NIPAL2: variants seen among roughly 807,000 people sequenced by gnomAD.
The protein encoded by NIPAL2 is NIPA-like protein 2.
Under a neutral mutation model 48.9 loss-of-function variants are expected in NIPAL2, and 43 were observed. That is an observed-to-expected ratio of 0.88 (90% CI 0.69 to 1.13). NIPAL2 has a LOEUF of 1.13. NIPAL2 is among the 50% of genes most tolerant of loss of function. The probability of loss-of-function intolerance (pLI) is 0.00; values close to 1 mark genes in which losing one functional copy is unlikely to be tolerated. For missense variants in NIPAL2, 446 were observed against 461.4 expected (o/e 0.97, Z 0.31); for synonymous variants, 167 against 174.6 (o/e 0.96, Z 0.34).
intron 1 of NIPAL2, among the ~76,000 whole-genome samples, chr8:98,260,078 G>C (rs1814201684): frequency 6.6e-6 from 1 of 152,144 alleles, no homozygotes; most frequent in African/African-American, 2.4e-5. Flanking sequence ...GAGAAGAAGG[G>C]GGTACAAAAA....
rs537182106 is a variant in NIPAL2 at position 98,233,082 on chromosome 8, G to A, written c.436+3073C>T. On this transcript the variant is annotated intron_variant, in intron 4 of 10. Transcript: ENST00000430223. ...AGACAAGCCTAGACAACATGGTGAA[G>A]CCCTGTCTCTACTAAAAATACAAAA... is the stretch of plus-strand genomic sequence containing the variant. Among the ~76,000 whole-genome samples, 72 of 152,118 alleles carry A rather than the reference G, an allele frequency of 4.7e-4. 1 individual carries two copies. The South Asian group carries it at 0.014, about 29-fold the overall frequency.
At chr8:98,275,731 C>CA (rs1815419245) in intron 1 of NIPAL2, among the ~76,000 whole-genome samples, 1 of 152,136 alleles carries the variant, frequency 6.6e-6, no homozygotes, top group Non-Finnish European at 1.5e-5. Context: ...TATGAGTGAT[C>CA]CAGTTTCTCC....
At chr8:98,217,251 T>C in intron 5 of NIPAL2, 2 of 985,452 alleles carry the variant, frequency 2.0e-6, no homozygotes, top group African/African-American at 1.7e-5. Context: ...GAGGCTTCCA[T>C]TTAATGTAAA....
intron 5 of NIPAL2, among the ~76,000 whole-genome samples, chr8:98,217,998 C>A (rs1215052205): frequency 1.3e-5 from 2 of 152,088 alleles, no homozygotes; most frequent in Admixed American, 1.3e-4. Context: ...GGAAAAATGG[C>A]AAACTGCAAT....
intron 10 of NIPAL2, chr8:98,193,342 C>T: frequency 6.2e-7 from 1 of 1,609,746 alleles, no homozygotes; most frequent in Non-Finnish European, 8.5e-7. Flanking sequence ...CCATGGAAAT[C>T]AGGTGGGTTT....
chr8:98,244,044 C>G (rs986653873), intron 3 of NIPAL2, among the ~76,000 whole-genome samples: 7 of 152,030 alleles, frequency 4.6e-5, no homozygotes, highest in African/African-American at 1.4e-4. Context: ...AAAGACAAAT[C>G]TAACCCAAAG....
chr8:98,195,571 T>A (rs1394197037), intron 9 of NIPAL2: 1 of 163,628 alleles, frequency 6.1e-6, no homozygotes, highest in Non-Finnish European at 1.3e-5. Flanking sequence ...GGCCTTTTAT[T>A]TTGGGCGACC....
chr8:98,280,736 C>CTATATATA (rs71572005), intron 1 of NIPAL2, among the ~76,000 whole-genome samples: 421 of 38,956 alleles, frequency 0.011, 23 homozygotes, highest in Middle Eastern at 0.032. Context: ...TAGTCCATTA[C>CTATATATA]TATATATATA....
chr8:98,216,660 A>AT (rs79053014), intron 5 of NIPAL2, among the ~76,000 whole-genome samples: 10,108 of 152,194 alleles, frequency 0.066, 454 homozygotes, highest in East Asian at 0.12. Context: ...TGCTGATTTA[A>AT]TTTTTTTGTC....
rs13274648 is a variant in NIPAL2 at position 98,266,145 on chromosome 8, G to T, written c.136-12058C>A. Among the ~76,000 whole-genome samples, 69 of 104,588 alleles carry T rather than the reference G, an allele frequency of 6.6e-4. No homozygotes were observed. In the South Asian group the frequency reaches 8.2e-3, roughly 12 times the overall value. The allele number at this position is 104,588 out of a possible 152,430, so 68.6% of individuals were successfully genotyped here. On this transcript the variant is annotated intron_variant, in intron 1 of 10. Coordinates refer to ENST00000430223, the MANE Select transcript of NIPAL2 (RefSeq NM_001321635.2). ...TGGGGACTGTTGTGGGGTGGGGGGA[G>T]GGGGGAGGGATAGCATTGGGAGATA...
chr8:98,294,025 C>A lies in NIPAL2; in HGVS notation c.113G>T (p.Gly38Val). The A allele has an allele frequency of 1.3e-6, 2 of 1,496,366 alleles. No individual in the cohort carries two copies. The highest frequency in any genetic ancestry group is 2.9e-5 in the African/African-American group (2 of 68,638). 92.7% of individuals were successfully genotyped at this position (1,496,366 alleles called of 1,614,324 possible). A position where few individuals can be genotyped will look rare whatever the true frequency, so the allele number is the denominator to read the frequency against. Residue 38 changes from glycine to valine, a missense_variant, in exon 1 of 11, where the codon GGC (glycine) becomes GTC (valine). Transcript: ENST00000430223. ...APGAGNGSLS[G>V]DWYRRNQIHL... ...TACCTGGTTCCTGCGGTACCAGTCGCCCGAGAGGGAGCCGTTGCCGGCGCC... is the reference window on the plus strand; with the variant it reads ...TACCTGGTTCCTGCGGTACCAGTCGACCGAGAGGGAGCCGTTGCCGGCGCC...
At position 98,223,682 on chromosome 8, in the gene NIPAL2, A is replaced by T. The variant is rs145463572; in HGVS notation, c.437-1082T>A. Among the ~76,000 whole-genome samples the T allele has an allele frequency of 3.3e-5, 5 of 152,298 alleles. No individual in the cohort carries two copies. The East Asian group carries it at 9.6e-4, about 29-fold the overall frequency. On this transcript the variant is annotated intron_variant, in intron 4 of 10. Transcript: ENST00000430223. ...AGTTCCTGGAAGCAAATAGCATTTGATTTTTCGCAAAAGCTAGACAACAGC... is the reference window on the plus strand; with the variant it reads ...AGTTCCTGGAAGCAAATAGCATTTGTTTTTTCGCAAAAGCTAGACAACAGC...
At chr8:98,225,890 G>A (rs1178078509) in intron 4 of NIPAL2, among the ~76,000 whole-genome samples, 1 of 151,802 alleles carries the variant, frequency 6.6e-6, no homozygotes, top group African/African-American at 2.4e-5. Context: ...TTGTAAGCGT[G>A]TTCCATTCCT....
chr8:98,220,416 T>C (rs1237878902), intron 5 of NIPAL2, among the ~76,000 whole-genome samples: 1 of 151,884 alleles, frequency 6.6e-6, no homozygotes, highest in Non-Finnish European at 1.5e-5. Context: ...TGATTTTTTT[T>C]TTTTTTTGTC....
At chr8:98,267,301 A>C (rs1814831138) in intron 1 of NIPAL2, among the ~76,000 whole-genome samples, 1 of 151,962 alleles carries the variant, frequency 6.6e-6, no homozygotes, top group Admixed American at 6.6e-5. Context: ...AGATGTAGGT[A>C]CAACTAGAGG....
chr8:98,262,782 T>C (rs950269096), intron 1 of NIPAL2, among the ~76,000 whole-genome samples: 20 of 150,892 alleles, frequency 1.3e-4, no homozygotes, highest in Admixed American at 2.6e-4. Context: ...GCAGACCTAA[T>C]AGACATCTAC....
At chr8:98,282,427 G>C (rs970996834) in intron 1 of NIPAL2, among the ~76,000 whole-genome samples, 1 of 152,136 alleles carries the variant, frequency 6.6e-6, no homozygotes, top group African/African-American at 2.4e-5. Flanking sequence ...GGAGACCAGG[G>C]AACAGGAAGA....
chr8:98,251,332 A>G (rs540735858), intron 3 of NIPAL2, among the ~76,000 whole-genome samples: 159 of 152,302 alleles, frequency 1.0e-3, no homozygotes, highest in African/African-American at 3.7e-3. Context: ...GTTATTTCCC[A>G]GATTTTGAAA....
intron 4 of NIPAL2, among the ~76,000 whole-genome samples, chr8:98,223,367 G>A (rs1051749980): frequency 6.6e-6 from 1 of 152,100 alleles, no homozygotes; most frequent in Non-Finnish European, 1.5e-5. Context: ...TGAGGCCACC[G>A]AAGAAGGGGT....
Sources: gnomAD v4.1 joint callset for allele counts (sites outside exome capture counted in the v4.1 genomes callset) on GRCh38, gnomAD v4.1.1 for gene constraint, MANE v1.5 for transcripts, NCBI Gene and HGNC (gene_info 2026-07-23, HGNC 2026-07-21) for gene names.